Variants in SLCO6A1 observed in about 807,000 individuals in gnomAD.
SLCO6A1 encodes the protein solute carrier organic anion transporter family member 6A1.
In SLCO6A1, 65 loss-of-function variants were observed where a neutral mutation model predicts 72.7. That is an observed-to-expected ratio of 0.89 (90% CI 0.73 to 1.10). The LOEUF (loss-of-function observed/expected upper bound fraction) is 1.10. Among genes scored for constraint, SLCO6A1 ranks in the 50% least tolerant of loss-of-function variants. The pLI is 0.00. For synonymous variants in SLCO6A1, 314 were observed against 298.2 expected (o/e 1.05, Z -0.55); for missense variants, 874 against 872.6 (o/e 1.00, Z -0.02).
At chr5:102,430,945 G>A (rs935474826) in intron 7 of SLCO6A1, among the ~76,000 whole-genome samples, 1 of 151,804 alleles carries the variant, frequency 6.6e-6, no homozygotes, top group African/African-American at 2.4e-5. Flanking sequence ...TGGTTTGTAG[G>A]CTATTTATTG....
chr5:102,377,690 T>C lies in SLCO6A1; in HGVS notation c.2018-4196A>G, dbSNP rs191175209. Among the ~76,000 whole-genome samples, 50 of 151,886 alleles carry C rather than the reference T, an allele frequency of 3.3e-4. 1 individual carries two copies. The highest frequency in any genetic ancestry group is 2.5e-3 in the Admixed American group (38 of 15,226). ...ACATATATATAGATATAGATAGATA[T>C]AGAAACAATCTCACTCTGTCACCCA... On this transcript the variant is annotated intron_variant, in intron 12 of 13. Transcript: ENST00000506729.
intron 1 of SLCO6A1, among the ~76,000 whole-genome samples, chr5:102,485,378 CA>C (rs1221930114): frequency 6.6e-6 from 1 of 152,088 alleles, no homozygotes; most frequent in African/African-American, 2.4e-5. Flanking sequence ...ATATTCTATC[CA>C]ATAACAATGT....
rs1749686725 is a variant in SLCO6A1, at chr5:102,438,778, TTA to T, written c.1132-19_1132-18del. 6.7e-7 allele frequency: 1 copy of T among 1,487,518 alleles called. No individual in the cohort carries two copies. The highest frequency in any genetic ancestry group is 9.0e-7 in the Non-Finnish European group (1 of 1,115,740). The allele number at this position is 1,487,518 out of a possible 1,614,324, so 92.1% of individuals were successfully genotyped here. On this transcript the variant is annotated intron_variant, in intron 6 of 13. Transcript: ENST00000506729. Reference sequence around the variant, plus strand: ...CATCAGAATCTGAAATAAAAATAAGTTATATATCTATTATTTTATTTTGTTAG... The same window carrying T: ...CATCAGAATCTGAAATAAAAATAAGTTATATCTATTATTTTATTTTGTTAG...
intron 6 of SLCO6A1, among the ~76,000 whole-genome samples, chr5:102,457,611 G>A (rs1013230555): frequency 6.6e-6 from 1 of 152,186 alleles, no homozygotes; most frequent in Non-Finnish European, 1.5e-5. Flanking sequence ...AACAGGTACT[G>A]GAGAGGATGT....
Position 102,388,746 on chromosome 5 carries a change from G to A in SLCO6A1, c.1959C>T (p.His653=). ...TGTTATATATCCAACAACGTCCTGT[G>A]TGTCCACATTTATTAACATCCCGTA... ...CILRDVNKCG[H]TGRCWIYNKT... is the part of the protein sequence containing the mutation. The change falls in exon 12 of 14, where the codon CAC becomes CAT. Residue 653 remains histidine (H), a synonymous_variant. Coordinates refer to ENST00000506729, the MANE Select transcript of SLCO6A1 (RefSeq NM_173488.5). 1.2e-6 allele frequency: 2 copies of A among 1,608,014 alleles called. No individual in the cohort carries two copies. Among genetic ancestry groups the A allele is most frequent in the Non-Finnish European group, 8.5e-7 (1 of 1,177,730 alleles).
chr5:102,417,414 T>G (rs1236126042), intron 8 of SLCO6A1, among the ~76,000 whole-genome samples: 1 of 152,032 alleles, frequency 6.6e-6, no homozygotes, highest in Non-Finnish European at 1.5e-5. Flanking sequence ...TTTTGTTCAC[T>G]TTTTCCTTTT....
chr5:102,478,168 A>T (rs1452336758), intron 2 of SLCO6A1, among the ~76,000 whole-genome samples: 1 of 152,100 alleles, frequency 6.6e-6, no homozygotes, highest in East Asian at 1.9e-4. Context: ...ATAAAAAATA[A>T]AAAAAAGGAA....
intron 4 of SLCO6A1, among the ~76,000 whole-genome samples, chr5:102,462,397 A>G (rs1284513023): frequency 6.6e-6 from 1 of 152,200 alleles, no homozygotes; most frequent in African/African-American, 2.4e-5. Context: ...CCTAAAATTC[A>G]CATGGAACTG....
At chr5:102,414,755 C>G (rs1170884298) in intron 8 of SLCO6A1, among the ~76,000 whole-genome samples, 1 of 151,748 alleles carries the variant, frequency 6.6e-6, no homozygotes, top group Non-Finnish European at 1.5e-5. Flanking sequence ...AATAGCCAGG[C>G]GTAGTGGCAT....
chr5:102,416,126 A>T (rs746740594), intron 8 of SLCO6A1, among the ~76,000 whole-genome samples: 1 of 152,164 alleles, frequency 6.6e-6, no homozygotes, highest in Non-Finnish European at 1.5e-5. Context: ...AATTAGTACA[A>T]CTTCTATGAA....
chr5:102,442,853 G>C (rs1749914961), intron 6 of SLCO6A1, among the ~76,000 whole-genome samples: 1 of 152,018 alleles, frequency 6.6e-6, no homozygotes, highest in Non-Finnish European at 1.5e-5. Flanking sequence ...CATGAGGTCA[G>C]GAGTTCGAGA....
At chr5:102,417,825 C>G (rs1166995064) in intron 8 of SLCO6A1, among the ~76,000 whole-genome samples, 1 of 151,902 alleles carries the variant, frequency 6.6e-6, no homozygotes, top group Non-Finnish European at 1.5e-5. Context: ...AACCCTGTCT[C>G]TACTAAAAAT....
chr5:102,446,660 G>A (rs1388970477), intron 6 of SLCO6A1, among the ~76,000 whole-genome samples: 1 of 152,150 alleles, frequency 6.6e-6, no homozygotes, highest in Non-Finnish European at 1.5e-5. Flanking sequence ...AATATTTCCA[G>A]CTTTTCCCCA....
chr5:102,477,853 C>T lies in SLCO6A1; in HGVS notation c.625G>A (p.Glu209Lys), dbSNP rs777785337. The T allele has an allele frequency of 8.2e-6, 13 of 1,592,212 alleles. No individual in the cohort carries two copies. The highest frequency in any genetic ancestry group is 3.4e-5 in the South Asian group (3 of 87,514). Residue 209 changes from glutamate (E) to lysine (K), a missense_variant, in exon 3 of 14, where the codon GAA (glutamate) becomes AAA (lysine). Coordinates refer to ENST00000506729, the MANE Select transcript of SLCO6A1 (RefSeq NM_173488.5). ...QSKVGIEDICEEIKVVSGCQS... is the reference protein window; with the variant it reads ...QSKVGIEDICKEIKVVSGCQS... Reference sequence around the variant, plus strand: ...CAACCACTGACAACCTTTATTTCTTCGCAAATATCTTTTGAAAATACAATG... The same window carrying T: ...CAACCACTGACAACCTTTATTTCTTTGCAAATATCTTTTGAAAATACAATG...
intron 5 of SLCO6A1, among the ~76,000 whole-genome samples, chr5:102,459,215 G>T (rs1750895453): frequency 6.6e-6 from 1 of 152,072 alleles, no homozygotes; most frequent in African/African-American, 2.4e-5. Context: ...TTTAAGACTA[G>T]CCTGCACAAC....
intron 12 of SLCO6A1, among the ~76,000 whole-genome samples, chr5:102,381,491 G>T (rs912706249): frequency 4.0e-5 from 6 of 151,550 alleles, no homozygotes; most frequent in Non-Finnish European, 7.4e-5. Flanking sequence ...GAGCACCTAG[G>T]TTATTTCCAT....
intron 6 of SLCO6A1, among the ~76,000 whole-genome samples, chr5:102,440,930 A>T (rs907453688): frequency 1.3e-5 from 2 of 152,108 alleles, no homozygotes; most frequent in East Asian, 3.9e-4. Context: ...AGCTATTGGG[A>T]TTCTTTTTGT....
intron 1 of SLCO6A1, among the ~76,000 whole-genome samples, chr5:102,486,755 T>C (rs1752458587): frequency 6.6e-6 from 1 of 152,160 alleles, no homozygotes; most frequent in Non-Finnish European, 1.5e-5. Context: ...CCTAGTACCA[T>C]AAGTACATTG....
intron 6 of SLCO6A1, among the ~76,000 whole-genome samples, chr5:102,452,904 A>G (rs1052125690): frequency 3.3e-5 from 5 of 152,216 alleles, no homozygotes; most frequent in Admixed American, 6.5e-5. Flanking sequence ...CTAAACAGCC[A>G]TTGGATTTCA....
Sources: allele counts gnomAD v4.1 joint callset (sites outside exome capture counted in the v4.1 genomes callset), GRCh38; gene constraint gnomAD v4.1.1; transcripts MANE v1.5; gene names NCBI Gene and HGNC (gene_info 2026-07-23, HGNC 2026-07-21).